The following PRIM2 variants were observed in gnomAD, a reference collection of about 807,000 sequenced individuals.
PRIM2 encodes DNA primase subunit 2, also known as DNA primase large subunit.
A neutral mutation model predicts 67.3 loss-of-function variants in PRIM2; 39 were observed. The observed-to-expected ratio is 0.58, with a 90% CI of 0.45 to 0.76. The LOEUF (loss-of-function observed/expected upper bound fraction) is 0.76. Among genes scored for constraint, PRIM2 ranks in the 30% least tolerant of loss-of-function variants. PRIM2 has a pLI of 0.00. For synonymous variants in PRIM2, 143 were observed against 198.7 expected (o/e 0.72, Z 2.36); for missense variants, 398 against 598.7 (o/e 0.66, Z 3.50).
At chr6:57,275,019 T>G in the PRIM2 span, among the ~76,000 whole-genome samples, 3 of 151,494 alleles carry the variant, frequency 2.0e-5, no homozygotes, top group African/African-American at 7.3e-5. Flanking sequence ...TCTCCTGATC[T>G]CGTGATCCAC....
rs994043860 is a variant in PRIM2 at position 57,331,009 on chromosome 6, C to A, written c.459+4964C>A. On this transcript the variant is annotated intron_variant, in intron 5 of 13. Coordinates refer to ENST00000615550, the MANE Select transcript of PRIM2 (RefSeq NM_000947.5). ...CGGCCTGACCAACATAGTGAAACCC[C>A]GTCTCTACTAAAAAAAAAATACCAA... is the stretch of plus-strand genomic sequence containing the variant. Among the ~76,000 whole-genome samples, 4 of 151,736 alleles carry A rather than the reference C, an allele frequency of 2.6e-5. No homozygotes were observed. The East Asian group carries it at 7.8e-4, about 29-fold the overall frequency.
At chr6:57,422,530 G>A (rs1161835074) in intron 7 of PRIM2, among the ~76,000 whole-genome samples, 4 of 152,034 alleles carry the variant, frequency 2.6e-5, no homozygotes, top group Non-Finnish European at 5.9e-5. Flanking sequence ...GGAATATGAT[G>A]ACCTGAGTAT....
chr6:57,476,316 C>T (rs1346300354), intron 7 of PRIM2, among the ~76,000 whole-genome samples: 1 of 152,170 alleles, frequency 6.6e-6, no homozygotes, highest in Non-Finnish European at 1.5e-5. Flanking sequence ...CAAAATTGCG[C>T]AGTGATATCA....
the PRIM2 span, among the ~76,000 whole-genome samples, chr6:57,223,362 A>G: frequency 3.4e-4 from 51 of 152,190 alleles, no homozygotes; most frequent in African/African-American, 1.2e-3. Context: ...GCTTCCTTCT[A>G]GTGAGGTTCT....
intron 5 of PRIM2, among the ~76,000 whole-genome samples, chr6:57,377,426 G>A (rs1207416672): frequency 6.6e-6 from 1 of 151,008 alleles, no homozygotes; most frequent in Non-Finnish European, 1.5e-5. Flanking sequence ...TGTTTCGAAA[G>A]TTATGTGTGG....
chr6:57,272,588 A>G, the PRIM2 span, among the ~76,000 whole-genome samples: 1 of 152,174 alleles, frequency 6.6e-6, no homozygotes, highest in African/African-American at 2.4e-5. Flanking sequence ...CCAATTTGCC[A>G]GTCTGTGTCT....
intron 7 of PRIM2, among the ~76,000 whole-genome samples, chr6:57,423,594 T>C (rs1221264996): frequency 2.0e-5 from 3 of 152,140 alleles, no homozygotes; most frequent in East Asian, 1.9e-4. Flanking sequence ...TGCTAGGTAA[T>C]AGGGTTTATG....
intron 10 of PRIM2, among the ~76,000 whole-genome samples, chr6:57,539,241 C>T (rs1775082239): frequency 1.3e-5 from 2 of 151,930 alleles, no homozygotes; most frequent in Non-Finnish European, 2.9e-5. Context: ...CACCTGTTAT[C>T]CTCCAATTTG....
intron 10 of PRIM2, among the ~76,000 whole-genome samples, chr6:57,591,884 G>A (rs1305429983): frequency 4.0e-5 from 6 of 151,850 alleles, no homozygotes; most frequent in Non-Finnish European, 8.8e-5. Context: ...GTTTATCACA[G>A]CACTCCTCAC....
At chr6:57,510,212 G>A (rs1554347571) in intron 8 of PRIM2, among the ~76,000 whole-genome samples, 4 of 152,094 alleles carry the variant, frequency 2.6e-5, no homozygotes, top group Non-Finnish European at 5.9e-5. Context: ...TTTCAATAGC[G>A]GAGACAGTAT....
chr6:57,527,871 CT>C (rs1175885153), intron 8 of PRIM2, among the ~76,000 whole-genome samples: 1 of 152,158 alleles, frequency 6.6e-6, no homozygotes, highest in Non-Finnish European at 1.5e-5. Context: ...ATCCTCATTT[CT>C]ATCATATTCA....
At chr6:57,328,049 G>T (rs1767926848) in intron 5 of PRIM2, among the ~76,000 whole-genome samples, 1 of 152,188 alleles carries the variant, frequency 6.6e-6, no homozygotes, top group Admixed American at 6.5e-5. Context: ...GTGGAGTTCA[G>T]GTGGTAATGC....
the PRIM2 span, among the ~76,000 whole-genome samples, chr6:57,235,354 C>A: frequency 2.0e-5 from 3 of 152,016 alleles, no homozygotes; most frequent in African/African-American, 7.2e-5. Flanking sequence ...ATTCCAGCTA[C>A]TCAGGAGGCT....
intron 7 of PRIM2, among the ~76,000 whole-genome samples, chr6:57,398,298 T>C (rs1305265731): frequency 6.6e-6 from 1 of 152,092 alleles, no homozygotes; most frequent in Admixed American, 6.6e-5. Flanking sequence ...GTGCTATGAA[T>C]TTCCCTCTTA....
chr6:57,642,740 C>T (rs1268970728), intron 13 of PRIM2, among the ~76,000 whole-genome samples: 1 of 152,062 alleles, frequency 6.6e-6, no homozygotes, highest in Admixed American at 6.5e-5. Flanking sequence ...CACGCCCAGC[C>T]CCTTAAATAT....
chr6:57,642,257 C>T (rs1395466862), intron 13 of PRIM2, among the ~76,000 whole-genome samples: 2 of 151,894 alleles, frequency 1.3e-5, no homozygotes, highest in East Asian at 3.9e-4. Context: ...GGAGGGATGG[C>T]ATTAGAAGTC....
intron 10 of PRIM2, among the ~76,000 whole-genome samples, chr6:57,565,800 A>T (rs1350932448): frequency 6.6e-6 from 1 of 152,022 alleles, no homozygotes; most frequent in East Asian, 1.9e-4. Context: ...TGCACCTCTT[A>T]AAAAAAATAG....
chr6:57,635,522 AT>A (rs1263172132), intron 13 of PRIM2, among the ~76,000 whole-genome samples: 10 of 152,036 alleles, frequency 6.6e-5, no homozygotes, highest in Non-Finnish European at 1.0e-4. Flanking sequence ...TCATCACAGA[AT>A]TTTAATAGAA....
chr6:57,534,054 C>T (rs1358966338), intron 9 of PRIM2, among the ~76,000 whole-genome samples: 1 of 152,108 alleles, frequency 6.6e-6, no homozygotes. Flanking sequence ...TTTGCATATC[C>T]CTTGGTATTT....
Sources: gnomAD v4.1 joint callset for allele counts (sites outside exome capture counted in the v4.1 genomes callset) on GRCh38, gnomAD v4.1.1 for gene constraint, MANE v1.5 for transcripts, NCBI Gene and HGNC (gene_info 2026-07-23, HGNC 2026-07-21) for gene names.